Variants in CAMK2D observed in about 807,000 individuals in gnomAD.
CAMK2D encodes calcium/calmodulin dependent protein kinase II delta.
CAMK2D carries 37 observed loss-of-function variants against 84.0 expected under a neutral mutation model. The ratio of observed to expected loss-of-function variants is 0.44; its 90% CI spans 0.34 to 0.58. The LOEUF (loss-of-function observed/expected upper bound fraction) is 0.58, where lower values mean the gene tolerates loss of function less well. Ranked by LOEUF, CAMK2D falls within the 20% of genes least tolerant of loss-of-function variation. The probability of loss-of-function intolerance (pLI) is 0.02; values close to 1 mark genes in which losing one functional copy is unlikely to be tolerated. For missense variants in CAMK2D, 448 were observed against 652.5 expected (o/e 0.69, Z 3.41); for synonymous variants, 202 against 212.5 (o/e 0.95, Z 0.43).
intron 2 of CAMK2D, among the ~76,000 whole-genome samples, chr4:113,671,936 C>T (rs2099288216): frequency 6.6e-6 from 1 of 152,126 alleles, no homozygotes; most frequent in Admixed American, 6.5e-5. Flanking sequence ...AATATATATT[C>T]ACTTTTGAGT....
intron 4 of CAMK2D, among the ~76,000 whole-genome samples, chr4:113,585,277 A>G (rs1306823208): frequency 6.6e-6 from 1 of 152,192 alleles, no homozygotes; most frequent in Non-Finnish European, 1.5e-5. Flanking sequence ...AAAAAAGACA[A>G]TATTTCATAT....
rs533086479 is a variant in CAMK2D, at chr4:113,702,325, G to A, written c.161-40553C>T. ...ATTCTAGGCTTCGCATGTCACATACGGTCTCTGGTGCACATGCATTTTTTA... is the reference window on the plus strand; with the variant it reads ...ATTCTAGGCTTCGCATGTCACATACAGTCTCTGGTGCACATGCATTTTTTA... On this transcript the variant is annotated intron_variant, in intron 2 of 20. Transcript: ENST00000511664. 5.9e-5 allele frequency among the ~76,000 whole-genome samples: 9 copies of A among 152,182 alleles called. No individual in the cohort carries two copies. In the South Asian group the frequency reaches 8.3e-4, roughly 14 times the overall value.
rs558728045 is a variant in CAMK2D, at chr4:113,469,181, G to A, written c.1136-3577C>T. Among the ~76,000 whole-genome samples, 30 of 152,296 alleles carry A rather than the reference G, an allele frequency of 2.0e-4. No individual in the cohort carries two copies. In the South Asian group the frequency reaches 2.9e-3, roughly 15 times the overall value. ...GAAAACAAAATAAAACCCAAGAACT[G>A]AGAGTAACTACATAATAAAACAACT... On this transcript the variant is annotated intron_variant, in intron 16 of 20. Transcript: ENST00000511664.
chr4:113,759,263 C>A, intron 2 of CAMK2D, 57 bp downstream of exon 2: 1 of 1,049,336 alleles, frequency 9.5e-7, no homozygotes, highest in South Asian at 1.4e-5. Context: ...ACAACAGAAC[C>A]TATAATCAAC....
At chr4:113,648,691 CTT>C (rs1227176083) in intron 3 of CAMK2D, among the ~76,000 whole-genome samples, 2 of 152,150 alleles carry the variant, frequency 1.3e-5, no homozygotes, top group Admixed American at 6.5e-5. Flanking sequence ...TCAGCAGATA[CTT>C]TGAGCACCCA....
At chr4:113,584,161 G>A (rs1020994571) in intron 4 of CAMK2D, among the ~76,000 whole-genome samples, 1 of 152,196 alleles carries the variant, frequency 6.6e-6, no homozygotes, top group African/African-American at 2.4e-5. Flanking sequence ...TCACTGCACT[G>A]AGTGGACGTG....
intron 2 of CAMK2D, among the ~76,000 whole-genome samples, chr4:113,662,277 T>C (rs2099236869): frequency 6.6e-6 from 1 of 152,208 alleles, no homozygotes; most frequent in Non-Finnish European, 1.5e-5. Context: ...AGGTATATGA[T>C]GCTCTTCCTA....
At chr4:113,622,656 T>A (rs993381914) in intron 3 of CAMK2D, among the ~76,000 whole-genome samples, 20 of 152,166 alleles carry the variant, frequency 1.3e-4, no homozygotes, top group Non-Finnish European at 2.5e-4. Flanking sequence ...TTCAGCTACA[T>A]GGGAGGCTGA....
At chr4:113,456,014 C>A (rs2293323) in intron 19 of CAMK2D, among the ~76,000 whole-genome samples, 193 bp from the exon 20 acceptor site, 21,364 of 152,052 alleles carry the variant, frequency 0.14, 1,689 homozygotes, top group Middle Eastern at 0.2. Flanking sequence ...AAACGGGTGT[C>A]TTCATTATCT....
At chr4:113,507,234 G>T (rs1046787845) in intron 13 of CAMK2D, among the ~76,000 whole-genome samples, 1 of 151,760 alleles carries the variant, frequency 6.6e-6, no homozygotes, top group Admixed American at 6.6e-5. Flanking sequence ...TATAAGTATA[G>T]GTTCAACCAC....
rs189007324 is a variant in CAMK2D, at chr4:113,457,527, A to G, written c.1343T>C (p.Ile448Thr). 1 of 1,613,720 alleles carries G rather than the reference A, an allele frequency of 6.2e-7. No homozygotes were observed. Among genetic ancestry groups the G allele is most frequent in the East Asian group, 2.2e-5 (1 of 44,884 alleles). Residue 448 changes from isoleucine (I) to threonine (T), a missense_variant, in exon 19 of 21, where the codon ATT becomes ACT. By Grantham distance (89) the Ile-to-Thr change is moderately conservative. Coordinates refer to ENST00000511664, the MANE Select transcript of CAMK2D (RefSeq NM_001321571.2). ...TACCAGATGTACATGAGGGTTTAGA[A>G]TAATAGTGTGGATTGGTTTATTGCT... ...SKSNKPIHTI[I>T]LNPHVHLVGD...
At chr4:113,553,930 A>G (rs1286555865) in intron 4 of CAMK2D, among the ~76,000 whole-genome samples, 1 of 152,166 alleles carries the variant, frequency 6.6e-6, no homozygotes, top group Non-Finnish European at 1.5e-5. Flanking sequence ...CTTCCTTTGA[A>G]TGTGACTGAT....
At chr4:113,492,403 A>C (rs2097856719) in intron 16 of CAMK2D, among the ~76,000 whole-genome samples, 1 of 152,104 alleles carries the variant, frequency 6.6e-6, no homozygotes, top group Non-Finnish European at 1.5e-5. Context: ...CTATGTACCC[A>C]GTAGTCATTC....
At chr4:113,555,130 A>G (rs2098656048) in intron 4 of CAMK2D, among the ~76,000 whole-genome samples, 1 of 152,218 alleles carries the variant, frequency 6.6e-6, no homozygotes, top group Non-Finnish European at 1.5e-5. Flanking sequence ...AATGGTCAAA[A>G]TTAATTTCAT....
At chr4:113,577,949 A>T (rs150648491) in intron 4 of CAMK2D, among the ~76,000 whole-genome samples, 5 of 152,148 alleles carry the variant, frequency 3.3e-5, no homozygotes, top group African/African-American at 1.2e-4. Flanking sequence ...TATGAGCCAC[A>T]TATGGAATGC....
At chr4:113,636,811 T>C (rs974870237) in intron 3 of CAMK2D, among the ~76,000 whole-genome samples, 21 of 152,240 alleles carry the variant, frequency 1.4e-4, no homozygotes, top group Middle Eastern at 3.4e-3. Flanking sequence ...TACCATCACA[T>C]TGGGGATTTG....
chr4:113,612,217 T>G (rs2099003216), intron 3 of CAMK2D, among the ~76,000 whole-genome samples: 1 of 152,218 alleles, frequency 6.6e-6, no homozygotes. Context: ...GTTGATGGTA[T>G]GTCTAAACGG....
At chr4:113,686,407 C>T (rs1038937286) in intron 2 of CAMK2D, among the ~76,000 whole-genome samples, 8 of 152,132 alleles carry the variant, frequency 5.3e-5, no homozygotes, top group Non-Finnish European at 7.4e-5. Context: ...TTTTCCCTTA[C>T]AAAAGTAATT....
chr4:113,523,841 C>CA (rs556509511), intron 8 of CAMK2D, among the ~76,000 whole-genome samples: 5,505 of 151,332 alleles, frequency 0.036, 352 homozygotes, highest in African/African-American at 0.12. Flanking sequence ...TAAAACAGAT[C>CA]TTTTTTTTTG....
Sources: allele counts gnomAD v4.1 joint callset (sites outside exome capture counted in the v4.1 genomes callset), GRCh38; gene constraint gnomAD v4.1.1; transcripts MANE v1.5; gene names NCBI Gene and HGNC (gene_info 2026-07-23, HGNC 2026-07-21).